RRM1: variants seen among roughly 807,000 people sequenced by gnomAD.
RRM1 encodes ribonucleotide reductase catalytic subunit M1.
A neutral mutation model predicts 101.5 loss-of-function variants in RRM1; 19 were observed. The observed-to-expected ratio is 0.19, with a 90% CI of 0.13 to 0.27. RRM1 has a LOEUF of 0.27. Ranked by LOEUF, RRM1 falls within the 10% of genes least tolerant of loss-of-function variation. The pLI is 1.00. For synonymous variants in RRM1, 298 were observed against 323.4 expected (o/e 0.92, Z 0.84); for missense variants, 500 against 962.9 (o/e 0.52, Z 6.36).
intron 1 of RRM1, among the ~76,000 whole-genome samples, chr11:4,097,153 G>A (rs2094544746): frequency 6.6e-6 from 1 of 151,540 alleles, no homozygotes; most frequent in East Asian, 1.9e-4. Flanking sequence ...GACGGTAGTG[G>A]TTTGCACCTG....
At chr11:4,107,183 C>T (rs192797598) in intron 3 of RRM1, among the ~76,000 whole-genome samples, 5 of 152,374 alleles carry the variant, frequency 3.3e-5, no homozygotes, top group Non-Finnish European at 5.9e-5. Context: ...TGAGCCACCG[C>T]GCCCGGCCCA....
intron 16 of RRM1, among the ~76,000 whole-genome samples, chr11:4,133,164 C>T (rs1284650463): frequency 2.0e-5 from 3 of 152,048 alleles, no homozygotes; most frequent in Non-Finnish European, 4.4e-5. Flanking sequence ...GATTACCACA[C>T]CACAATGTTT....
In RRM1 at chr11:4,119,921, G is replaced by C. The variant is rs1173727331; in HGVS notation, c.869G>C (p.Gly290Ala). ...ACAGCTCGATATGTGGATCAAGGTG[G>C]GAACAAGGTATGCTCCATGAATTGA... ...NNTARYVDQG[G>A]NKRPGAFAIY... The change falls in exon 9 of 19, where the codon GGG (glycine) becomes GCG (alanine). Residue 290 changes from glycine (G) to alanine (A), a missense_variant. Gly to Ala is a moderately conservative substitution (Grantham distance 60). Coordinates refer to ENST00000300738, the MANE Select transcript of RRM1 (RefSeq NM_001033.5). The C allele has an allele frequency of 6.3e-7, 1 of 1,580,778 alleles. No homozygotes were observed. The highest frequency in any genetic ancestry group is 8.7e-7 in the Non-Finnish European group (1 of 1,149,718).
chr11:4,123,457 T>G (rs2094584838), intron 12 of RRM1, 73 bp downstream of exon 12: 2 of 1,171,770 alleles, frequency 1.7e-6, no homozygotes, highest in Non-Finnish European at 2.6e-6. Context: ...AATTCCTCAC[T>G]TGATTTCACT....
chr11:4,125,001 G>A (rs996746970), intron 12 of RRM1, among the ~76,000 whole-genome samples: 2 of 149,682 alleles, frequency 1.3e-5, no homozygotes, highest in Non-Finnish European at 3.0e-5. Context: ...TGCAACCTCC[G>A]CCTCCTGGAT....
chr11:4,130,087 T>TATATATATATATATATATATATA (rs869309117), intron 15 of RRM1, among the ~76,000 whole-genome samples: 30 of 61,604 alleles, frequency 4.9e-4, no homozygotes, highest in East Asian at 1.6e-3. Flanking sequence ...TATATATATA[T>TATATATATATATATATATATATA]TTTTTTTTTT....
chr11:4,110,956 C>T (rs552090399), intron 5 of RRM1, among the ~76,000 whole-genome samples: 13 of 152,150 alleles, frequency 8.5e-5, no homozygotes, highest in African/African-American at 2.9e-4. Flanking sequence ...TAGTCTGTTA[C>T]AGGCGCTTTT....
In RRM1 at chr11:4,102,714, A is replaced by G. The variant is rs147269057; in HGVS notation, c.108+633A>G. ...GTTTTGGAATTGTGGTTATTTAGGT[A>G]GGGACTGGTTTAAAATTTGTTTTTT... On this transcript the variant is annotated intron_variant, in intron 2 of 18. Coordinates refer to ENST00000300738, the MANE Select transcript of RRM1 (RefSeq NM_001033.5). 5.4e-3 allele frequency among the ~76,000 whole-genome samples: 816 copies of G among 151,894 alleles called. 2 individuals carry two copies. The highest frequency in any genetic ancestry group is 0.017 in the African/African-American group (708 of 41,490).
intron 2 of RRM1, among the ~76,000 whole-genome samples, chr11:4,103,946 CAAAAAAAAA>C (rs34264302): frequency 6.3e-5 from 6 of 95,064 alleles, no homozygotes; most frequent in African/African-American, 2.4e-4. Context: ...CCTGTTTCTA[CAAAAAAAAA>C]AAAAAAAAAA....
intron 12 of RRM1, among the ~76,000 whole-genome samples, chr11:4,124,986 C>G (rs959877914): frequency 6.6e-6 from 1 of 151,002 alleles, no homozygotes; most frequent in Non-Finnish European, 1.5e-5. Flanking sequence ...TCGATCTCGG[C>G]TCACTGCAAC....
At position 4,133,548 on chromosome 11, in the gene RRM1, T is replaced by C; in HGVS notation, c.1906-15T>C. 5 of 1,523,360 alleles carry C rather than the reference T, an allele frequency of 3.3e-6. No homozygotes were observed. The highest frequency in any genetic ancestry group is 4.5e-6 in the Non-Finnish European group (5 of 1,101,110). 94.4% of individuals were successfully genotyped at this position (1,523,360 alleles called of 1,614,324 possible). On this transcript the variant is annotated splice_polypyrimidine_tract_variant and intron_variant, in intron 16 of 18. Transcript: ENST00000300738. ...GTTATTTATTTCTTCATACATTTTC[T>C]GCTTTTCCATTCAGATTGTAAATCC...
chr11:4,110,166 T>G (rs547115166), intron 5 of RRM1, among the ~76,000 whole-genome samples: 1 of 152,238 alleles, frequency 6.6e-6, no homozygotes, highest in South Asian at 2.1e-4. Flanking sequence ...AAAAATTTTT[T>G]TTTTGAGTCT....
chr11:4,109,304 C>G (rs894914267), intron 4 of RRM1, among the ~76,000 whole-genome samples: 3 of 151,312 alleles, frequency 2.0e-5, no homozygotes, highest in Admixed American at 6.6e-5. Context: ...TAATATAGTC[C>G]CATTTATGCT....
chr11:4,118,282 T>C, intron 7 of RRM1, 38 bp from the exon 8 acceptor site: 1 of 1,591,558 alleles, frequency 6.3e-7, no homozygotes, highest in East Asian at 2.3e-5. Context: ...CTCTGCTTCA[T>C]TTCCTTGCTC....
At chr11:4,107,061 T>A (rs2094559264) in intron 3 of RRM1, among the ~76,000 whole-genome samples, 2 of 151,920 alleles carry the variant, frequency 1.3e-5, no homozygotes, top group African/African-American at 4.8e-5. Flanking sequence ...GCCCGGCTAA[T>A]TTTTTGTATT....
At chr11:4,134,157 A>G (rs2094605327) in intron 17 of RRM1, among the ~76,000 whole-genome samples, 1 of 151,632 alleles carries the variant, frequency 6.6e-6, no homozygotes, top group Non-Finnish European at 1.5e-5. Flanking sequence ...TGTTTTTTGT[A>G]TTTTTAGTAG....
At chr11:4,095,118 C>A in intron 1 of RRM1, 87 bp downstream of exon 1, 1 of 1,437,080 alleles carries the variant, frequency 7.0e-7, no homozygotes, top group South Asian at 1.2e-5. Context: ...GCCCGCCCGC[C>A]TTCGCTGCTT....
chr11:4,126,855 T>G, intron 13 of RRM1, 22 bp downstream of exon 13: 1 of 1,559,028 alleles, frequency 6.4e-7, no homozygotes, highest in Non-Finnish European at 8.8e-7. Context: ...TTTCTCTGCT[T>G]ATTGGTAATT....
At chr11:4,095,992 G>A (rs1053888113) in intron 1 of RRM1, among the ~76,000 whole-genome samples, 1 of 152,208 alleles carries the variant, frequency 6.6e-6, no homozygotes, top group African/African-American at 2.4e-5. Flanking sequence ...TCGACTGGTT[G>A]TTTCTATTTT....
Sources: allele counts gnomAD v4.1 joint callset (sites outside exome capture counted in the v4.1 genomes callset), GRCh38; gene constraint gnomAD v4.1.1; transcripts MANE v1.5; gene names NCBI Gene and HGNC (gene_info 2026-07-23, HGNC 2026-07-21).